The following PCDHGA7 variants were observed in gnomAD, a reference collection of about 807,000 sequenced individuals.
PCDHGA7 encodes protocadherin gamma subfamily A, 7.
In PCDHGA7, 44 loss-of-function variants were observed where a neutral mutation model predicts 58.3. That is an observed-to-expected ratio of 0.75 (90% CI 0.59 to 0.97). The LOEUF is 0.97. Among genes scored for constraint, PCDHGA7 ranks in the 50% least tolerant of loss-of-function variants. The pLI is 0.00. For missense variants in PCDHGA7, 1,266 were observed against 1,188.7 expected, an observed-to-expected ratio of 1.06 and a Z score of -0.96; for synonymous variants, 516 against 504.2, an observed-to-expected ratio of 1.02 and a Z score of -0.31.
chr5:141,398,842 C>T (rs2093712910), intron 1 of PCDHGA7: 2 of 1,613,974 alleles, frequency 1.2e-6, no homozygotes, highest in Non-Finnish European at 1.7e-6. Flanking sequence ...CAATGATAAT[C>T]CCCCGGTATT....
intron 1 of PCDHGA7, chr5:141,388,283 C>T (rs1164558432): frequency 1.2e-6 from 2 of 1,613,304 alleles, no homozygotes; most frequent in East Asian, 4.5e-5. Flanking sequence ...CGCCAAAATT[C>T]ACGCAAAATT....
In PCDHGA7 at chr5:141,419,316, G is replaced by A. The variant is rs775328616; in HGVS notation, c.2424+33993G>A. 1.1e-5 allele frequency: 18 copies of A among 1,613,994 alleles called. No individual in the cohort carries two copies. In the South Asian group the frequency reaches 1.8e-4, roughly 16 times the overall value. On this transcript the variant is annotated intron_variant, in intron 1 of 3. Coordinates refer to ENST00000518325, the MANE Select transcript of PCDHGA7 (RefSeq NM_018920.4). ...GACCCAGACTTCGGGCTCAACGGCC[G>A]TGTCTCCTACTCTCTCATTGCCAGC...
At chr5:141,387,282 A>C (rs578102496) in intron 1 of PCDHGA7, among the ~76,000 whole-genome samples, 59 of 152,340 alleles carry the variant, frequency 3.9e-4, no homozygotes, top group Admixed American at 2.0e-3. Context: ...CAATGAAAGA[A>C]AGATAAAATG....
chr5:141,477,427 C>T lies in PCDHGA7; in HGVS notation c.2425-17380C>T. On this transcript the variant is annotated intron_variant, in intron 1 of 3. Coordinates refer to ENST00000518325, the MANE Select transcript of PCDHGA7 (RefSeq NM_018920.4). The surrounding 1 kb of genome is among the most constrained non-coding windows in gnomAD (Gnocchi z 4.9). ...CCCGAGACGCCGGAACCCCTTCCCT[C>T]TCAGCCCTTACAATAGTGCGTGTTC... The T allele has an allele frequency of 6.2e-7, 1 of 1,614,220 alleles. No homozygotes were observed. The highest frequency in any genetic ancestry group is 8.5e-7 in the Non-Finnish European group (1 of 1,180,046).
At chr5:141,484,315 C>T (rs1172379949) in intron 1 of PCDHGA7, among the ~76,000 whole-genome samples, 2 of 152,326 alleles carry the variant, frequency 1.3e-5, no homozygotes, top group African/African-American at 4.8e-5. Context: ...ACCCCGCTTC[C>T]ATACTGTCCT....
chr5:141,475,990 A>T, intron 1 of PCDHGA7: 1 of 1,140,672 alleles, frequency 8.8e-7, no homozygotes, highest in Non-Finnish European at 1.2e-6. Context: ...CGGCGAGCAA[A>T]TCAACGGCAT....
chr5:141,427,978 T>C (rs750753961), intron 1 of PCDHGA7: 1 of 1,595,484 alleles, frequency 6.3e-7, no homozygotes, highest in African/African-American at 1.3e-5. Flanking sequence ...TACCCCGCGC[T>C]GGGGCCCGAT....
At chr5:141,505,081 G>A (rs2099843521) in intron 2 of PCDHGA7, among the ~76,000 whole-genome samples, 3 of 152,146 alleles carry the variant, frequency 2.0e-5, no homozygotes, top group Admixed American at 2.0e-4. Flanking sequence ...AGAATCGCTT[G>A]AACCCAGGAG....
chr5:141,477,819 T>C lies in PCDHGA7; in HGVS notation c.2425-16988T>C. 1.9e-6 allele frequency: 3 copies of C among 1,614,138 alleles called. No individual in the cohort carries two copies. The highest frequency in any genetic ancestry group is 2.5e-6 in the Non-Finnish European group (3 of 1,180,030). On this transcript the variant is annotated intron_variant, in intron 1 of 3. Transcript: ENST00000518325. The surrounding 1 kb of genome is among the most constrained non-coding windows in gnomAD (Gnocchi z 4.9). ...CGCAATGACAATGCCCCCCAGGTCC[T>C]ATATCCTCGGCCAGGTGGGAGCTCG...
rs773899530 is a variant in PCDHGA7 at position 141,494,864 on chromosome 5, G to C, written c.2482G>C (p.Gly828Arg). ...FSQAQRPGTS[G>R]SQNGDDTGTW... ...TCAGGCCCAGAGACCCGGCACCAGCGGGTAGGTGACTGATTCTCCAGCCCA... is the reference window on the plus strand; with the variant it reads ...TCAGGCCCAGAGACCCGGCACCAGCCGGTAGGTGACTGATTCTCCAGCCCA... The change falls in exon 2 of 4, where the codon GGC becomes CGC. Residue 828 changes from glycine (G) to arginine (R), a missense_variant and splice_region_variant. Transcript: ENST00000518325. The C allele has an allele frequency of 1.2e-6, 2 of 1,614,068 alleles. No individual in the cohort carries two copies. Among genetic ancestry groups the C allele is most frequent in the Middle Eastern group, 1.6e-4 (1 of 6,062 alleles).
At position 141,384,809 on chromosome 5, in the gene PCDHGA7, C is replaced by T. The variant is rs1780535972; in HGVS notation, c.1910C>T (p.Ala637Val). The T allele has an allele frequency of 6.2e-7, 1 of 1,613,250 alleles. No homozygotes were observed. The highest frequency in any genetic ancestry group is 1.3e-5 in the African/African-American group (1 of 74,944). ...RTARALLDRD[A>V]LKQSLVVAVQ... Reference sequence around the variant, plus strand: ...GCTCGGGCCCTGCTGGACAGAGATGCCCTCAAGCAGAGCCTCGTGGTGGCC... The same window carrying T: ...GCTCGGGCCCTGCTGGACAGAGATGTCCTCAAGCAGAGCCTCGTGGTGGCC... Residue 637 changes from alanine (A) to valine (V), a missense_variant, in exon 1 of 4, where the codon GCC (alanine) becomes GTC (valine). Transcript: ENST00000518325.
intron 1 of PCDHGA7, chr5:141,413,330 T>G (rs770842309): frequency 6.2e-7 from 1 of 1,613,812 alleles, no homozygotes; most frequent in Non-Finnish European, 8.5e-7. Context: ...GTGGGCAACA[T>G]CTCCAAGGAC....
At chr5:141,418,800 GAT>G (rs777421725) in intron 1 of PCDHGA7, 1 of 1,613,800 alleles carries the variant, frequency 6.2e-7, no homozygotes, top group Non-Finnish European at 8.5e-7. Flanking sequence ...GAAGTAGAAA[GAT>G]ATACGATAAA....
intron 1 of PCDHGA7, among the ~76,000 whole-genome samples, chr5:141,448,842 G>A (rs943887884): frequency 6.6e-6 from 1 of 152,182 alleles, no homozygotes; most frequent in Non-Finnish European, 1.5e-5. Context: ...CTACTCTGGA[G>A]GCTGAGGCAG....
intron 1 of PCDHGA7, chr5:141,440,405 CCACTG>C (rs2098176019): frequency 6.6e-6 from 1 of 152,126 alleles, no homozygotes; most frequent in South Asian, 2.1e-4. Flanking sequence ...GGCAATCGCA[CCACTG>C]CACTCCAGCC....
intron 1 of PCDHGA7, chr5:141,388,545 C>G: frequency 6.2e-7 from 1 of 1,613,798 alleles, no homozygotes. Flanking sequence ...TGGAGCTCCA[C>G]CCCTAAGCAG....
chr5:141,388,395 C>T (rs1445370262), intron 1 of PCDHGA7: 10 of 1,613,928 alleles, frequency 6.2e-6, no homozygotes, highest in Middle Eastern at 1.6e-4. Flanking sequence ...GCAGAATTAC[C>T]AACTCAGTCC....
Position 141,432,757 on chromosome 5 carries a change from C to T in PCDHGA7, c.2424+47434C>T. On this transcript the variant is annotated intron_variant, in intron 1 of 3. Coordinates refer to ENST00000518325, the MANE Select transcript of PCDHGA7 (RefSeq NM_018920.4). This position sits in a 1 kb window ranked among gnomAD's most constrained non-coding sequence, Gnocchi z 6.0. ...TCACGCTCACCGTGGCCGTGGCCGA[C>T]AGCATCCCCCAAGTCCTGGCGGACC... is the stretch of plus-strand genomic sequence containing the variant. 1.2e-6 allele frequency: 2 copies of T among 1,614,150 alleles called. No individual in the cohort carries two copies. Among genetic ancestry groups the T allele is most frequent in the African/African-American group, 1.3e-5 (1 of 75,076 alleles).
chr5:141,393,588 A>G, intron 1 of PCDHGA7: 1 of 1,613,924 alleles, frequency 6.2e-7, no homozygotes. Context: ...GCCCCCAGGC[A>G]CGCGGCTGCT....
Sources: allele counts gnomAD v4.1 joint callset (sites outside exome capture counted in the v4.1 genomes callset), GRCh38; gene constraint gnomAD v4.1.1; non-coding constraint Gnocchi (gnomAD v3.1); transcripts MANE v1.5; gene names NCBI Gene and HGNC (gene_info 2026-07-23, HGNC 2026-07-21).